Variants in PLCB1 observed in about 807,000 individuals in gnomAD.
The protein encoded by PLCB1 is phospholipase C beta 1.
PLCB1 carries 46 observed loss-of-function variants against 161.8 expected under a neutral mutation model. The observed-to-expected ratio is 0.28, with a 90% CI of 0.22 to 0.36. The LOEUF (loss-of-function observed/expected upper bound fraction) is 0.36, where lower values mean the gene tolerates loss of function less well. Among genes scored for constraint, PLCB1 ranks in the 10% least tolerant of loss-of-function variants. The pLI is 1.00. For missense variants in PLCB1, 1,016 were observed against 1,472.5 expected (o/e 0.69, Z 5.07); for synonymous variants, 517 against 503.7 (o/e 1.03, Z -0.35).
intron 2 of PLCB1, among the ~76,000 whole-genome samples, chr20:8,365,800 A>C (rs546407813): frequency 6.6e-6 from 1 of 152,298 alleles, no homozygotes; most frequent in African/African-American, 2.4e-5. Flanking sequence ...CCCAGCCATT[A>C]ATATCTTCTC....
chr20:8,728,346 G>A (rs1206203315), intron 17 of PLCB1, among the ~76,000 whole-genome samples: 1 of 152,020 alleles, frequency 6.6e-6, no homozygotes, highest in African/African-American at 2.4e-5. Context: ...CTTGGTGATA[G>A]GAACTAGTCA....
intron 2 of PLCB1, among the ~76,000 whole-genome samples, chr20:8,286,434 C>A (rs62195912): frequency 0.022 from 3,406 of 152,250 alleles, 42 homozygotes; most frequent in African/African-American, 0.041. Flanking sequence ...AATGATATTT[C>A]CATGTTATTC....
In PLCB1 at chr20:8,756,078, C is replaced by T. The variant is rs1033560081; in HGVS notation, c.2524-968C>T. 6.6e-5 allele frequency among the ~76,000 whole-genome samples: 10 copies of T among 152,202 alleles called. No homozygotes were observed. In the South Asian group the frequency reaches 2.1e-3, roughly 32 times the overall value. On this transcript the variant is annotated intron_variant, in intron 23 of 31. Coordinates refer to ENST00000338037, the MANE Select transcript of PLCB1 (RefSeq NM_015192.4). Reference sequence around the variant, plus strand: ...TATGACATTCCCTGGCTCTTTTTGTCAGGGTTTTTTGGGTTTTTGTGGGTG... The same window carrying T: ...TATGACATTCCCTGGCTCTTTTTGTTAGGGTTTTTTGGGTTTTTGTGGGTG...
intron 7 of PLCB1, among the ~76,000 whole-genome samples, chr20:8,655,311 A>T (rs1989429273): frequency 6.6e-6 from 1 of 152,118 alleles, no homozygotes; most frequent in African/African-American, 2.4e-5. Context: ...AATAAATTAC[A>T]TCCATTCATT....
At chr20:8,511,004 T>G (rs1242852634) in intron 3 of PLCB1, among the ~76,000 whole-genome samples, 3 of 152,028 alleles carry the variant, frequency 2.0e-5, no homozygotes, top group African/African-American at 7.3e-5. Context: ...TGAGAACACT[T>G]AAAATCTGCA....
At chr20:8,703,176 G>C (rs1978464701) in intron 11 of PLCB1, among the ~76,000 whole-genome samples, 1 of 152,164 alleles carries the variant, frequency 6.6e-6, no homozygotes, top group African/African-American at 2.4e-5. Context: ...TTTGTTATCA[G>C]CAAACTGGAG....
At chr20:8,772,759 C>G (rs547975198) in intron 26 of PLCB1, among the ~76,000 whole-genome samples, 1 of 151,910 alleles carries the variant, frequency 6.6e-6, no homozygotes, top group Non-Finnish European at 1.5e-5. Context: ...ATGGAGAAAC[C>G]CTGTCTCTAC....
chr20:8,825,149 G>T (rs778004488), intron 31 of PLCB1, among the ~76,000 whole-genome samples: 1 of 152,182 alleles, frequency 6.6e-6, no homozygotes, highest in Non-Finnish European at 1.5e-5. Context: ...ACCATACTTT[G>T]TAAAAAGTAG....
intron 28 of PLCB1, 21 bp downstream of exon 28, chr20:8,788,546 C>A: frequency 6.2e-7 from 1 of 1,606,948 alleles, no homozygotes. Flanking sequence ...ATTCCCATTA[C>A]AATTGACATG....
intron 2 of PLCB1, among the ~76,000 whole-genome samples, chr20:8,338,014 C>T (rs559287769): frequency 5.8e-4 from 88 of 152,062 alleles, no homozygotes; most frequent in Non-Finnish European, 9.9e-4. Flanking sequence ...GAATGATGCC[C>T]AGAAAGGTGC....
At chr20:8,297,895 T>TC (rs1983711531) in intron 2 of PLCB1, among the ~76,000 whole-genome samples, 1 of 151,430 alleles carries the variant, frequency 6.6e-6, no homozygotes, top group East Asian at 1.9e-4. Context: ...TTTTTGGGTT[T>TC]TTTTTTTTTT....
chr20:8,436,856 C>A (rs959073953), intron 3 of PLCB1, among the ~76,000 whole-genome samples: 2 of 152,104 alleles, frequency 1.3e-5, no homozygotes, highest in Non-Finnish European at 2.9e-5. Context: ...GGGGTACGAT[C>A]TTTGCTCACT....
intron 31 of PLCB1, among the ~76,000 whole-genome samples, chr20:8,872,661 A>C (rs1372554186): frequency 1.3e-5 from 2 of 152,126 alleles, no homozygotes; most frequent in Non-Finnish European, 2.9e-5. Context: ...TCACAGGGGT[A>C]ATATGAATTT....
At chr20:8,633,568 C>G (rs1445399561) in intron 4 of PLCB1, among the ~76,000 whole-genome samples, 4 of 152,038 alleles carry the variant, frequency 2.6e-5, no homozygotes, top group Non-Finnish European at 5.9e-5. Flanking sequence ...CATGGACAGT[C>G]CAACATAAAA....
chr20:8,320,146 A>G (rs1372243631), intron 2 of PLCB1, among the ~76,000 whole-genome samples: 4 of 152,182 alleles, frequency 2.6e-5, no homozygotes, highest in Non-Finnish European at 5.9e-5. Context: ...CACTAAGTAT[A>G]TGATGAATGA....
intron 2 of PLCB1, among the ~76,000 whole-genome samples, chr20:8,182,523 C>A (rs1489607289): frequency 6.6e-6 from 1 of 152,092 alleles, no homozygotes; most frequent in Non-Finnish European, 1.5e-5. Context: ...GACGAGTCAT[C>A]CTATACCATC....
chr20:8,199,635 T>A (rs2052069412), intron 2 of PLCB1, among the ~76,000 whole-genome samples: 1 of 152,146 alleles, frequency 6.6e-6, no homozygotes, highest in Non-Finnish European at 1.5e-5. Flanking sequence ...TCTTAATGAT[T>A]TTATATATTA....
chr20:8,821,058 G>C (rs1568612465), intron 31 of PLCB1, among the ~76,000 whole-genome samples: 1 of 152,062 alleles, frequency 6.6e-6, no homozygotes, highest in Non-Finnish European at 1.5e-5. Flanking sequence ...TTATAAACTA[G>C]TCAGTAGGTG....
At chr20:8,386,774 A>T (rs1476152013) in intron 3 of PLCB1, among the ~76,000 whole-genome samples, 1 of 152,194 alleles carries the variant, frequency 6.6e-6, no homozygotes, top group African/African-American at 2.4e-5. Flanking sequence ...TGTTTGGTGT[A>T]GCCACCTTCA....
Sources: allele counts gnomAD v4.1 joint callset (sites outside exome capture counted in the v4.1 genomes callset), GRCh38; gene constraint gnomAD v4.1.1; transcripts MANE v1.5; gene names NCBI Gene and HGNC (gene_info 2026-07-23, HGNC 2026-07-21).